DTNA: variants seen among roughly 807,000 people sequenced by gnomAD.
DTNA encodes dystrophin-related protein 3.
A neutral mutation model predicts 100.7 loss-of-function variants in DTNA; 43 were observed. That is an observed-to-expected ratio of 0.43 (90% CI 0.33 to 0.55). The LOEUF is 0.55. DTNA is among the 20% of genes least tolerant of loss of function. DTNA has a pLI of 0.04. For missense variants in DTNA, 798 were observed against 953.9 expected, an observed-to-expected ratio of 0.84 and a Z score of 2.15; for synonymous variants, 349 against 347.9, an observed-to-expected ratio of 1.00 and a Z score of -0.04.
intron 1 of DTNA, among the ~76,000 whole-genome samples, chr18:34,612,724 T>G (rs1044601707): frequency 5.3e-5 from 8 of 152,232 alleles, no homozygotes; most frequent in Non-Finnish European, 1.0e-4. Flanking sequence ...CGTTGACATT[T>G]TCATGGTGCT....
intron 1 of DTNA, among the ~76,000 whole-genome samples, chr18:34,569,021 GGTATTTCCA>G (rs1211659959): frequency 6.6e-6 from 1 of 152,158 alleles, no homozygotes; most frequent in Non-Finnish European, 1.5e-5. Context: ...CTGAATCCAT[GGTATTTCCA>G]GCACAAAACT....
intron 9 of DTNA, among the ~76,000 whole-genome samples, chr18:34,824,291 C>T (rs996179904): frequency 6.6e-6 from 1 of 151,944 alleles, no homozygotes; most frequent in East Asian, 1.9e-4. Context: ...CTGGTTAACA[C>T]GATGAAACCC....
At chr18:34,621,828 A>G (rs2056559517) in intron 1 of DTNA, among the ~76,000 whole-genome samples, 1 of 152,208 alleles carries the variant, frequency 6.6e-6, no homozygotes. Context: ...TGTTCATTAT[A>G]AAAAATAAGT....
chr18:34,531,673 G>A (rs903485184), intron 1 of DTNA, among the ~76,000 whole-genome samples: 3 of 152,058 alleles, frequency 2.0e-5, no homozygotes, highest in Non-Finnish European at 2.9e-5. Flanking sequence ...GAACACCACA[G>A]TTAGTTTCTG....
chr18:34,791,808 G>A (rs577730569), intron 3 of DTNA, among the ~76,000 whole-genome samples: 1 of 151,872 alleles, frequency 6.6e-6, no homozygotes, highest in African/African-American at 2.4e-5. Context: ...ATAATGCATT[G>A]TCTGCTAGGT....
chr18:34,766,323 G>A (rs765224578), intron 3 of DTNA, among the ~76,000 whole-genome samples: 9 of 152,134 alleles, frequency 5.9e-5, no homozygotes, highest in Non-Finnish European at 1.0e-4. Context: ...CCTTGGAATG[G>A]TTTAAATCTG....
chr18:34,597,094 C>T (rs764286615), intron 1 of DTNA, among the ~76,000 whole-genome samples: 2 of 152,114 alleles, frequency 1.3e-5, no homozygotes, highest in Non-Finnish European at 2.9e-5. Context: ...TGAATGAGAA[C>T]GTGTGGTGTT....
At chr18:34,548,299 G>T (rs1463825918) in intron 1 of DTNA, among the ~76,000 whole-genome samples, 5 of 152,058 alleles carry the variant, frequency 3.3e-5, no homozygotes, top group African/African-American at 1.2e-4. Context: ...ATTCACACAG[G>T]TTAGAGGTGT....
At chr18:34,859,107 G>A (rs1211287369) in intron 16 of DTNA, among the ~76,000 whole-genome samples, 1 of 151,994 alleles carries the variant, frequency 6.6e-6, no homozygotes, top group African/African-American at 2.4e-5. Flanking sequence ...TTAAAAATAG[G>A]CATCACACCT....
chr18:34,745,410 TGGG>T, intron 1 of DTNA, among the ~76,000 whole-genome samples: 1 of 152,190 alleles, frequency 6.6e-6, no homozygotes, highest in African/African-American at 2.4e-5. Flanking sequence ...ACATTAGAAT[TGGG>T]GGAGGATCTA....
chr18:34,856,583 T>C (rs909323245), intron 15 of DTNA, among the ~76,000 whole-genome samples: 1 of 152,210 alleles, frequency 6.6e-6, no homozygotes, highest in Admixed American at 6.5e-5. Flanking sequence ...GGCAGGCTGA[T>C]ATATGTGGGG....
chr18:34,734,308 G>GAAAGA, intron 1 of DTNA, among the ~76,000 whole-genome samples: 1 of 152,238 alleles, frequency 6.6e-6, no homozygotes, highest in Non-Finnish European at 1.5e-5. Context: ...GGGAGGGGAT[G>GAAAGA]TTGACTCTAC....
At chr18:34,787,270 TTG>T (rs2094540849) in intron 3 of DTNA, among the ~76,000 whole-genome samples, 1 of 152,240 alleles carries the variant, frequency 6.6e-6, no homozygotes, top group Non-Finnish European at 1.5e-5. Context: ...TAATCAGTGG[TTG>T]TCAGAATCAC....
chr18:34,590,132 G>A (rs945110737), intron 1 of DTNA, among the ~76,000 whole-genome samples: 2 of 152,126 alleles, frequency 1.3e-5, no homozygotes, highest in African/African-American at 4.8e-5. Flanking sequence ...AGAGATTGCT[G>A]GGTATATTTT....
Position 34,889,110 on chromosome 18 carries a change from C to T in DTNA, c.*1376C>T. 1 of 982,430 alleles carries T rather than the reference C, an allele frequency of 1.0e-6. No individual in the cohort carries two copies. Among genetic ancestry groups the T allele is most frequent in the Non-Finnish European group, 1.2e-6 (1 of 829,654 alleles). 60.9% of individuals were successfully genotyped at this position (982,430 alleles called of 1,614,324 possible). On this transcript the variant is annotated 3_prime_UTR_variant, in exon 23 of 23. Transcript: ENST00000444659. Reference sequence around the variant, plus strand: ...CTGGGGAAAAAGAAAAAGTAATCTTCTACTTGCTTCAAGATTTGATTTTTT... The same window carrying T: ...CTGGGGAAAAAGAAAAAGTAATCTTTTACTTGCTTCAAGATTTGATTTTTT...
intron 1 of DTNA, among the ~76,000 whole-genome samples, chr18:34,692,895 ATAAATATC>A (rs2079977905): frequency 6.6e-6 from 1 of 152,202 alleles, no homozygotes; most frequent in Admixed American, 6.5e-5. Context: ...TATTTATGAA[ATAAATATC>A]TATGACTAAT....
chr18:34,594,252 C>T (rs1196029444), intron 1 of DTNA, among the ~76,000 whole-genome samples: 1 of 152,076 alleles, frequency 6.6e-6, no homozygotes, highest in Non-Finnish European at 1.5e-5. Flanking sequence ...TATTGTCGCA[C>T]TGTTTTAGGA....
chr18:34,669,719 G>A (rs868267891), intron 1 of DTNA, among the ~76,000 whole-genome samples: 2 of 152,122 alleles, frequency 1.3e-5, no homozygotes, highest in East Asian at 1.9e-4. Context: ...ATTCTGGGTC[G>A]AAAATTCTTT....
intron 1 of DTNA, among the ~76,000 whole-genome samples, chr18:34,677,739 G>T (rs941085425): frequency 3.3e-5 from 5 of 152,016 alleles, no homozygotes; most frequent in African/African-American, 1.2e-4. Flanking sequence ...AAGTACTACT[G>T]TTGTAATAAT....
Sources: allele counts gnomAD v4.1 joint callset (sites outside exome capture counted in the v4.1 genomes callset), GRCh38; gene constraint gnomAD v4.1.1; transcripts MANE v1.5; gene names NCBI Gene and HGNC (gene_info 2026-07-23, HGNC 2026-07-21).